The following GPR183 variants were observed in gnomAD, a reference collection of about 807,000 sequenced individuals.
The protein encoded by GPR183 is EBV-induced G-protein coupled receptor 2.
GPR183 carries 9 observed loss-of-function variants against 19.7 expected under a neutral mutation model. The observed-to-expected ratio is 0.46, with a 90% CI of 0.28 to 0.80. The LOEUF is 0.80. Among genes scored for constraint, GPR183 ranks in the 30% least tolerant of loss-of-function variants. GPR183 has a pLI of 0.13. For synonymous variants in GPR183, 160 were observed against 155.1 expected (o/e 1.03, Z -0.24); for missense variants, 368 against 446.7 (o/e 0.82, Z 1.59).
At chr13:99,300,207 C>T (rs1192685995) in intron 1 of GPR183, among the ~76,000 whole-genome samples, 1 of 152,216 alleles carries the variant, frequency 6.6e-6, no homozygotes, top group African/African-American at 2.4e-5. Flanking sequence ...CCAAGGGTAG[C>T]CTGTTGAGGG....
chr13:99,304,618 T>C (rs1366909510), intron 1 of GPR183, among the ~76,000 whole-genome samples: 1 of 152,190 alleles, frequency 6.6e-6, no homozygotes, highest in African/African-American at 2.4e-5. Flanking sequence ...TGAATAATAA[T>C]CAATTAAAAT....
chr13:99,301,141 C>T (rs2044251300), intron 1 of GPR183, among the ~76,000 whole-genome samples: 1 of 152,172 alleles, frequency 6.6e-6, no homozygotes, highest in African/African-American at 2.4e-5. Flanking sequence ...AAAAGATGCA[C>T]GTGGCCCCTC....
In GPR183 at chr13:99,295,044, C is replaced by G; in HGVS notation, c.*16G>C. ...TCATACAGTTTACGTCACTATAAAC[C>G]AAAATACAATCCATTTCACTTTCCA... On this transcript the variant is annotated 3_prime_UTR_variant, in exon 2 of 2. Transcript: ENST00000376414. This position sits in a 1 kb window ranked among gnomAD's most constrained non-coding sequence, Gnocchi z 4.1. The G allele has an allele frequency of 6.2e-7, 1 of 1,606,658 alleles. No homozygotes were observed. Among genetic ancestry groups the G allele is most frequent in the African/African-American group, 1.3e-5 (1 of 74,700 alleles).
chr13:99,305,213 A>G (rs1311479623), intron 1 of GPR183, among the ~76,000 whole-genome samples: 1 of 152,224 alleles, frequency 6.6e-6, no homozygotes, highest in Non-Finnish European at 1.5e-5. Context: ...ATTTAACAAA[A>G]TATTTTTATT....
intron 1 of GPR183, among the ~76,000 whole-genome samples, chr13:99,301,135 G>A (rs2044251119): frequency 6.6e-6 from 1 of 152,144 alleles, no homozygotes; most frequent in African/African-American, 2.4e-5. Context: ...CTAATGAAAA[G>A]ATGCACGTGG....
chr13:99,304,427 T>C (rs2044301216), intron 1 of GPR183, among the ~76,000 whole-genome samples: 1 of 152,176 alleles, frequency 6.6e-6, no homozygotes, highest in Admixed American at 6.5e-5. Flanking sequence ...TTGATTTTCT[T>C]CCCTGTCTCC....
chr13:99,298,235 T>C (rs986218795), intron 1 of GPR183, among the ~76,000 whole-genome samples: 2 of 152,172 alleles, frequency 1.3e-5, no homozygotes, highest in Admixed American at 1.3e-4. Context: ...CATGAGCATA[T>C]ATGCAAATTT....
chr13:99,295,196 C>T lies in GPR183; in HGVS notation c.950G>A (p.Arg317Lys). 1.2e-6 allele frequency: 2 copies of T among 1,614,170 alleles called. No homozygotes were observed. The highest frequency in any genetic ancestry group is 2.2e-5 in the South Asian group (2 of 91,080). ...CCGTTTCAGCATCCTCATAACCTTT[C>T]TCTTATACCCTTTACATGCAAAGAA... ...IYFFACKGYK[R>K]KVMRMLKRQV... Residue 317 changes from arginine (R) to lysine (K), a missense_variant, in exon 2 of 2, where the codon AGA becomes AAA. By Grantham distance (26) the Arg-to-Lys change is conservative (BLOSUM62 2). Coordinates refer to ENST00000376414, the MANE Select transcript of GPR183 (RefSeq NM_004951.5). The surrounding 1 kb of genome is among the most constrained non-coding windows in gnomAD (Gnocchi z 4.1).
Position 99,295,846 on chromosome 13 carries a change from T to C in GPR183, c.300A>G (p.Gly100=), listed in dbSNP as rs775514130. The C allele has an allele frequency of 2.5e-6, 4 of 1,605,544 alleles. No homozygotes were observed. The highest frequency in any genetic ancestry group is 1.7e-4 in the Middle Eastern group (1 of 6,046). Residue 100 remains glycine (G), a synonymous_variant, in exon 2 of 2, where the codon GGA becomes GGG. Coordinates refer to ENST00000376414, the MANE Select transcript of GPR183 (RefSeq NM_004951.5). This position sits in a 1 kb window ranked among gnomAD's most constrained non-coding sequence, Gnocchi z 4.1. Reference sequence around the variant, plus strand: ...GCGCAGTTATCCTACACAAGGCATCTCCGATTCTCCAGTCAAAGCCCATTG... The same window carrying C: ...GCGCAGTTATCCTACACAAGGCATCCCCGATTCTCCAGTCAAAGCCCATTG... ...YYAMGFDWRI[G]DALCRITALV...
At position 99,296,068 on chromosome 13, in the gene GPR183, A is replaced by T. The variant is rs1466441838; in HGVS notation, c.78T>A (p.His26Gln). The change falls in exon 2 of 2, where the codon CAT becomes CAA. Residue 26 changes from histidine to glutamine, a missense_variant. Physicochemically the swap from His to Gln is conservative, Grantham distance 24. Transcript: ENST00000376414. ...GCATTACTATCCTGGCCGTGCTGTG[A>T]TGTGCATAGAGGTCACAGTCATTTC... ...PQGNDCDLYAHHSTARIVMPL... is the reference protein window; with the variant it reads ...PQGNDCDLYAQHSTARIVMPL... 5 of 1,614,072 alleles carry T rather than the reference A, an allele frequency of 3.1e-6. No individual in the cohort carries two copies. The highest frequency in any genetic ancestry group is 4.2e-6 in the Non-Finnish European group (5 of 1,180,008).
intron 1 of GPR183, among the ~76,000 whole-genome samples, chr13:99,305,977 C>T (rs572457405): frequency 3.3e-5 from 5 of 152,110 alleles, no homozygotes; most frequent in Non-Finnish European, 5.9e-5. Flanking sequence ...CTCACTGCAA[C>T]CTCCGCCTCC....
At chr13:99,302,459 G>A (rs1566493192) in intron 1 of GPR183, among the ~76,000 whole-genome samples, 1 of 152,220 alleles carries the variant, frequency 6.6e-6, no homozygotes, top group African/African-American at 2.4e-5. Flanking sequence ...AGGGAAGAAA[G>A]AAATCATTCA....
In GPR183 at chr13:99,298,715, A is replaced by C. The variant is rs544528418; in HGVS notation, c.-18-2552T>G. Among the ~76,000 whole-genome samples, 9 of 152,282 alleles carry C rather than the reference A, an allele frequency of 5.9e-5. No individual in the cohort carries two copies. In the South Asian group the frequency reaches 1.7e-3, roughly 28 times the overall value. ...AAAAAATGGAGTGGTTCTTAAATAG[A>C]AAATCATAGGGATTTCATTGTGGAA... On this transcript the variant is annotated intron_variant, in intron 1 of 1. Coordinates refer to ENST00000376414, the MANE Select transcript of GPR183 (RefSeq NM_004951.5).
chr13:99,305,799 G>A (rs978471227), intron 1 of GPR183, among the ~76,000 whole-genome samples: 20 of 152,150 alleles, frequency 1.3e-4, no homozygotes, highest in African/African-American at 3.9e-4. Context: ...CAGTGAACCC[G>A]CAGAGAGAAA....
Position 99,295,156 on chromosome 13 carries a change from C to A in GPR183, c.990G>T (p.Ser330=). Residue 330 remains serine (S), a synonymous_variant, in exon 2 of 2, where the codon TCG becomes TCT. Transcript: ENST00000376414. The surrounding 1 kb of genome is among the most constrained non-coding windows in gnomAD (Gnocchi z 4.1). ...MRMLKRQVSV[S]ISSAVKSAPE... The stretch of plus-strand genomic sequence containing the variant: ...GGGCTGACTTCACAGCACTAGAAAT[C>A]GATACACTGACTTGCCGTTTCAGCA... 6.2e-7 allele frequency: 1 copy of A among 1,614,096 alleles called. No individual in the cohort carries two copies. Among genetic ancestry groups the A allele is most frequent in the South Asian group, 1.1e-5 (1 of 91,084 alleles).
chr13:99,295,591 T>C lies in GPR183; in HGVS notation c.555A>G (p.Pro185=). Residue 185 remains proline, a synonymous_variant, in exon 2 of 2, where the codon CCA becomes CCG. Transcript: ENST00000376414. This position sits in a 1 kb window ranked among gnomAD's most constrained non-coding sequence, Gnocchi z 4.1. ...EAERITCMEY[P]NFEETKSLPW... is the part of the protein sequence containing the mutation. ...GAAGAGATTTAGTTTCTTCAAAGTT[T>C]GGATACTCCATGCATGTAATCCTTT... The C allele has an allele frequency of 6.2e-7, 1 of 1,614,124 alleles. No homozygotes were observed. Among genetic ancestry groups the C allele is most frequent in the East Asian group, 2.2e-5 (1 of 44,884 alleles).
intron 1 of GPR183, among the ~76,000 whole-genome samples, chr13:99,300,701 A>C (rs1223863485): frequency 1.3e-5 from 2 of 152,112 alleles, no homozygotes; most frequent in Non-Finnish European, 2.9e-5. Context: ...TTTGTATTAG[A>C]GGGTCTGGAA....
At chr13:99,299,004 C>T (rs891587278) in intron 1 of GPR183, among the ~76,000 whole-genome samples, 2 of 151,918 alleles carry the variant, frequency 1.3e-5, no homozygotes, top group African/African-American at 4.8e-5. Context: ...TGGGAATTGC[C>T]TTTAAAATAC....
chr13:99,294,599 C>T lies in GPR183; in HGVS notation c.*461G>A, dbSNP rs3181718. 24,982 of 153,114 alleles carry T rather than the reference C, an allele frequency of 0.16. 2,341 individuals are homozygous for T. The highest frequency in any genetic ancestry group is 0.23 in the Middle Eastern group (68 of 298). The allele number at this position is 153,114 out of a possible 1,614,324, so 9.5% of individuals were successfully genotyped here. Reference sequence around the variant, plus strand: ...CTTAACAAAGTTTTATGACCCAGAACGAAACAAAACAAAACATTGGTGTTA... The same window carrying T: ...CTTAACAAAGTTTTATGACCCAGAATGAAACAAAACAAAACATTGGTGTTA... On this transcript the variant is annotated 3_prime_UTR_variant, in exon 2 of 2. Transcript: ENST00000376414.
Sources: gnomAD v4.1 joint callset for allele counts (sites outside exome capture counted in the v4.1 genomes callset) on GRCh38, gnomAD v4.1.1 for gene constraint, Gnocchi (gnomAD v3.1) non-coding constraint, MANE v1.5 for transcripts, NCBI Gene and HGNC (gene_info 2026-07-23, HGNC 2026-07-21) for gene names.